TBL1XR1: variants seen among roughly 807,000 people sequenced by gnomAD.
TBL1XR1 encodes the protein TBL1X/Y related 1, also known as F-box-like/WD repeat-containing protein TBL1XR1.
Under a neutral mutation model 66.9 loss-of-function variants are expected in TBL1XR1, and 5 were observed. The ratio of observed to expected loss-of-function variants is 0.07; its 90% CI spans 0.04 to 0.16. TBL1XR1 has a LOEUF of 0.16. Among genes scored for constraint, TBL1XR1 ranks in the 10% least tolerant of loss-of-function variants. The probability of loss-of-function intolerance (pLI) is 1.00; values close to 1 mark genes in which losing one functional copy is unlikely to be tolerated. For synonymous variants in TBL1XR1, 210 were observed against 206.0 expected (o/e 1.02, Z -0.17); for missense variants, 238 against 623.2 (o/e 0.38, Z 6.58).
At chr3:177,130,958 T>TA (rs1304121635) in intron 1 of TBL1XR1, among the ~76,000 whole-genome samples, 2 of 152,152 alleles carry the variant, frequency 1.3e-5, no homozygotes, top group Non-Finnish European at 2.9e-5. Context: ...ACAAGGGAGT[T>TA]AGAGACCAGT....
At chr3:177,131,455 A>C (rs1170007433) in intron 1 of TBL1XR1, 8 of 911,698 alleles carry the variant, frequency 8.8e-6, no homozygotes, top group Non-Finnish European at 3.9e-6. Flanking sequence ...CACACCTAAA[A>C]GTTGAGAAAA....
chr3:177,086,660 A>G (rs1467600755), intron 2 of TBL1XR1, among the ~76,000 whole-genome samples: 1 of 152,122 alleles, frequency 6.6e-6, no homozygotes, highest in Non-Finnish European at 1.5e-5. Flanking sequence ...TGAAACAGAT[A>G]TTAACAACTT....
intron 2 of TBL1XR1, among the ~76,000 whole-genome samples, chr3:177,066,058 G>A (rs1304237860): frequency 6.6e-6 from 1 of 152,098 alleles, no homozygotes; most frequent in African/African-American, 2.4e-5. Context: ...CTTTAAAAAT[G>A]ATATATTCAC....
chr3:177,188,620 T>C (rs564017026), intron 1 of TBL1XR1, among the ~76,000 whole-genome samples: 1 of 152,282 alleles, frequency 6.6e-6, no homozygotes, highest in Non-Finnish European at 1.5e-5. Flanking sequence ...TTTGTTTTTT[T>C]AAATTCTACC....
intron 1 of TBL1XR1, among the ~76,000 whole-genome samples, chr3:177,126,823 A>G (rs977573233): frequency 5.3e-5 from 8 of 152,144 alleles, no homozygotes; most frequent in African/African-American, 1.9e-4. Context: ...GCCAAAAAAA[A>G]AAAAAGGGCA....
chr3:177,161,515 G>A (rs1732207487), intron 1 of TBL1XR1, among the ~76,000 whole-genome samples: 1 of 152,146 alleles, frequency 6.6e-6, no homozygotes, highest in Non-Finnish European at 1.5e-5. Context: ...AGGCGCGGTG[G>A]CTCACGCCTG....
chr3:177,047,440 T>C (rs376082761), intron 8 of TBL1XR1, 43 bp from the exon 9 acceptor site: 39 of 1,605,304 alleles, frequency 2.4e-5, no homozygotes, highest in Middle Eastern at 1.7e-4. Context: ...TTAAATTTTC[T>C]ATCTTTAGAT....
intron 2 of TBL1XR1, among the ~76,000 whole-genome samples, chr3:177,084,469 T>C (rs1426448811): frequency 1.3e-5 from 2 of 152,242 alleles, no homozygotes; most frequent in Non-Finnish European, 1.5e-5. Flanking sequence ...TTAATCCAAG[T>C]TGCTGCAGAC....
chr3:177,102,567 G>GTA (rs1258058025), intron 1 of TBL1XR1, among the ~76,000 whole-genome samples: 1 of 152,194 alleles, frequency 6.6e-6, no homozygotes, highest in Non-Finnish European at 1.5e-5. Context: ...GTCTGACAAT[G>GTA]TATATTGAAA....
chr3:177,120,123 C>T (rs1726810142), intron 1 of TBL1XR1, among the ~76,000 whole-genome samples: 1 of 152,138 alleles, frequency 6.6e-6, no homozygotes, highest in Admixed American at 6.6e-5. Flanking sequence ...ATAACCTTAA[C>T]TTCTCATTAC....
At chr3:177,071,031 G>GTTT (rs764951521) in intron 2 of TBL1XR1, among the ~76,000 whole-genome samples, 8 of 104,712 alleles carry the variant, frequency 7.6e-5, no homozygotes, top group Non-Finnish European at 1.3e-4. Flanking sequence ...CTGAGAATCT[G>GTTT]TTTTTTTTTT....
chr3:177,177,580 C>T (rs1386319672), intron 1 of TBL1XR1, among the ~76,000 whole-genome samples: 1 of 152,224 alleles, frequency 6.6e-6, no homozygotes, highest in African/African-American at 2.4e-5. Context: ...CGATTGCCAT[C>T]TTTAAGTATG....
At chr3:177,101,642 C>G (rs1190963907) in intron 1 of TBL1XR1, among the ~76,000 whole-genome samples, 1 of 152,196 alleles carries the variant, frequency 6.6e-6, no homozygotes, top group African/African-American at 2.4e-5. Flanking sequence ...GAAGGCCCTT[C>G]CCACAGGCGG....
intron 12 of TBL1XR1, among the ~76,000 whole-genome samples, chr3:177,035,337 G>C (rs1022781197): frequency 2.6e-5 from 4 of 151,514 alleles, no homozygotes; most frequent in Non-Finnish European, 4.4e-5. Flanking sequence ...GTGATTGTTA[G>C]AGTTTCTAAG....
intron 2 of TBL1XR1, among the ~76,000 whole-genome samples, chr3:177,086,558 CG>C (rs1438570727): frequency 6.6e-6 from 1 of 151,930 alleles, no homozygotes; most frequent in Non-Finnish European, 1.5e-5. Flanking sequence ...GTTGGAGCAA[CG>C]GAAGTCTCTT....
chr3:177,172,649 A>AGAGAGAGAG (rs1560260437), intron 1 of TBL1XR1, among the ~76,000 whole-genome samples: 4 of 48,676 alleles, frequency 8.2e-5, no homozygotes, highest in East Asian at 6.3e-4. Context: ...GAGAGAGAGA[A>AGAGAGAGAG]AGAGAGAGAG....
At chr3:177,036,570 CAT>C (rs1217101496) in intron 12 of TBL1XR1, among the ~76,000 whole-genome samples, 2 of 152,210 alleles carry the variant, frequency 1.3e-5, no homozygotes, top group African/African-American at 2.4e-5. Context: ...GTCATTTCCT[CAT>C]ATGTGTCACA....
intron 1 of TBL1XR1, among the ~76,000 whole-genome samples, chr3:177,138,483 T>C (rs1188000020): frequency 6.6e-6 from 1 of 151,986 alleles, no homozygotes; most frequent in African/African-American, 2.4e-5. Context: ...TCCCAGCTAC[T>C]TGGGAGGCTG....
intron 1 of TBL1XR1, among the ~76,000 whole-genome samples, chr3:177,112,074 A>AATATATATATATATATATATATATATAT (rs1170375681): frequency 4.9e-5 from 2 of 40,948 alleles, no homozygotes; most frequent in African/African-American, 1.1e-4. Flanking sequence ...TATAAAATCA[A>AATATATATATATATATATATATATATAT]ATATATATAT....
Sources: gnomAD v4.1 joint callset for allele counts (sites outside exome capture counted in the v4.1 genomes callset) on GRCh38, gnomAD v4.1.1 for gene constraint, MANE v1.5 for transcripts, NCBI Gene and HGNC (gene_info 2026-07-23, HGNC 2026-07-21) for gene names.